The following ZNF577 variants were observed in gnomAD, a reference collection of about 807,000 sequenced individuals.
ZNF577 encodes zinc finger protein 577.
A neutral mutation model predicts 13.9 loss-of-function variants in ZNF577; 14 were observed. The ratio of observed to expected loss-of-function variants is 1.00; its 90% confidence interval spans 0.66 to 1.57. The LOEUF (loss-of-function observed/expected upper bound fraction) is 1.57. ZNF577 is among the 40% of genes most tolerant of loss of function. The pLI, the probability that ZNF577 is intolerant of heterozygous loss-of-function variation, is 0.00. For synonymous variants in ZNF577, 203 were observed against 202.9 expected (o/e 1.00, Z 0.00); for missense variants, 555 against 579.2 (o/e 0.96, Z 0.43).
chr19:51,820,184 A>G (rs2084177688), intron 9 of ZNF577, among the ~76,000 whole-genome samples: 1 of 152,246 alleles, frequency 6.6e-6, no homozygotes, highest in Non-Finnish European at 1.5e-5. Context: ...TTAATGCATC[A>G]GAAATCACAC....
chr19:51,814,116 A>G (rs1354781995), intron 9 of ZNF577, among the ~76,000 whole-genome samples: 1 of 152,220 alleles, frequency 6.6e-6, no homozygotes, highest in Non-Finnish European at 1.5e-5. Flanking sequence ...TATGTTTACT[A>G]TACTTTATCA....
intron 5 of ZNF577, among the ~76,000 whole-genome samples, chr19:51,851,262 T>C (rs374549022): frequency 1.3e-5 from 2 of 152,196 alleles, no homozygotes; most frequent in Non-Finnish European, 2.9e-5. Context: ...CAAGTAGATA[T>C]CATTTTTCTT....
chr19:51,816,527 C>T (rs1049747516), intron 9 of ZNF577, among the ~76,000 whole-genome samples: 4 of 152,140 alleles, frequency 2.6e-5, no homozygotes, highest in Non-Finnish European at 4.4e-5. Flanking sequence ...GGATTACTGG[C>T]GTGAACCACC....
chr19:51,847,941 T>C (rs1468670742), intron 5 of ZNF577, among the ~76,000 whole-genome samples: 2 of 152,166 alleles, frequency 1.3e-5, no homozygotes, highest in Non-Finnish European at 2.9e-5. Flanking sequence ...AGGATCCATC[T>C]ACAGACGCGG....
chr19:51,821,757 T>C (rs1191508390), intron 9 of ZNF577, among the ~76,000 whole-genome samples: 2 of 151,754 alleles, frequency 1.3e-5, no homozygotes, highest in East Asian at 3.9e-4. Context: ...CTGCCTCCAC[T>C]GACCGGCTGG....
At position 51,837,043 on chromosome 19, in the gene ZNF577, C is replaced by CAA. The variant is rs766829761; in HGVS notation, c.*599+2848_*599+2849dup. ...TGGGTGACAGAGTGAGACTCTGTCT[C>CAA]AAAAAAAAAAAAAAAAGAAAAGAAA... On this transcript the variant is annotated intron_variant and NMD_transcript_variant, in intron 9 of 10. Coordinates refer to the ZNF577 transcript ENST00000638827. 7.2e-3 allele frequency among the ~76,000 whole-genome samples: 557 copies of CAA among 77,586 alleles called. 16 individuals carry two copies. The highest frequency in any genetic ancestry group is 0.063 in the Admixed American group (412 of 6,538). 50.9% of individuals were successfully genotyped at this position (77,586 alleles called of 152,430 possible).
Position 51,870,495 on chromosome 19 carries a change from TC to T in ZNF577, c.*2036del, listed in dbSNP as rs2084642111. ...CAGAGGCAATACTCCTTACTTAAGGTCCACTGTGATTCTCCAAATGTTAGGA... is the reference window on the plus strand; with the variant it reads ...CAGAGGCAATACTCCTTACTTAAGGTCACTGTGATTCTCCAAATGTTAGGA... On this transcript the variant is annotated 3_prime_UTR_variant, in exon 6 of 6. Coordinates refer to ENST00000638348, the MANE Select transcript of ZNF577 (RefSeq NM_001370449.1). 6.6e-6 allele frequency among the ~76,000 whole-genome samples: 1 copy of T among 152,178 alleles called. No individual in the cohort carries two copies. Among genetic ancestry groups the T allele is most frequent in the African/African-American group, 2.4e-5 (1 of 41,438 alleles).
chr19:51,826,335 T>C (rs1260397105), intron 9 of ZNF577: 2 of 152,248 alleles, frequency 1.3e-5, no homozygotes, highest in East Asian at 1.9e-4. Context: ...GAAAGGAGTT[T>C]GGAAGTGATT....
intron 1 of ZNF577, chr19:51,886,462 A>G (rs1383339733): frequency 6.6e-6 from 1 of 152,214 alleles, no homozygotes; most frequent in African/African-American, 2.4e-5. Context: ...AATATTAAAT[A>G]AAATTTTAGC....
chr19:51,838,363 C>A (rs2084299618), intron 9 of ZNF577, among the ~76,000 whole-genome samples: 2 of 141,392 alleles, frequency 1.4e-5, no homozygotes, highest in African/African-American at 5.3e-5. Context: ...GAAAGACTGT[C>A]ATTAGCATAT....
chr19:51,854,652 C>G (rs1408148766), intron 5 of ZNF577, among the ~76,000 whole-genome samples: 3 of 151,876 alleles, frequency 2.0e-5, no homozygotes, highest in African/African-American at 7.3e-5. Flanking sequence ...ATTTATTGAC[C>G]TTCTCAGATG....
chr19:51,857,265 T>C (rs6509580), intron 5 of ZNF577, among the ~76,000 whole-genome samples: 56,595 of 149,708 alleles, frequency 0.38, 11,836 homozygotes, highest in African/African-American at 0.55. Flanking sequence ...TGCCACCGCA[T>C]TTCAGCCTGG....
At chr19:51,813,160 A>ACC (rs763343827) in intron 9 of ZNF577, among the ~76,000 whole-genome samples, 124 of 147,360 alleles carry the variant, frequency 8.4e-4, no homozygotes, top group Middle Eastern at 3.5e-3. Flanking sequence ...ACACACACAC[A>ACC]CCCCATAAAT....
At chr19:51,831,199 T>C (rs1242410378) in intron 9 of ZNF577, among the ~76,000 whole-genome samples, 1 of 152,156 alleles carries the variant, frequency 6.6e-6, no homozygotes, top group Non-Finnish European at 1.5e-5. Context: ...CACCGCAACC[T>C]CTGCCTCCAA....
intron 10 of ZNF577, among the ~76,000 whole-genome samples, chr19:51,808,811 T>C (rs1008301549): frequency 1.3e-5 from 2 of 152,214 alleles, no homozygotes; most frequent in Non-Finnish European, 2.9e-5. Flanking sequence ...CGGACTTTTT[T>C]GGAAAAACAA....
At chr19:51,849,596 C>T (rs55919407) in intron 5 of ZNF577, among the ~76,000 whole-genome samples, 5,604 of 152,306 alleles carry the variant, frequency 0.037, 162 homozygotes, top group Middle Eastern at 0.065. Flanking sequence ...TTCTGTTCTT[C>T]ATAAATTATC....
exon 11 of ZNF577, chr19:51,805,131 T>C (rs2084049839): frequency 6.6e-6 from 1 of 152,238 alleles, no homozygotes; most frequent in African/African-American, 2.4e-5. Context: ...GAATGCTGAG[T>C]TGGTCACGTC....
intron 9 of ZNF577, among the ~76,000 whole-genome samples, chr19:51,815,570 A>AG (rs1185541835): frequency 6.6e-6 from 1 of 150,740 alleles, no homozygotes; most frequent in Admixed American, 6.6e-5. Context: ...CTCTGTCTAA[A>AG]AAAAAAAAAG....
intron 9 of ZNF577, among the ~76,000 whole-genome samples, chr19:51,818,382 G>T (rs542274296): frequency 6.6e-6 from 1 of 152,268 alleles, no homozygotes; most frequent in East Asian, 1.9e-4. Flanking sequence ...CACGGCCCGT[G>T]TTTACAGACC....
Sources: gnomAD v4.1 joint callset for allele counts (sites outside exome capture counted in the v4.1 genomes callset) on GRCh38, gnomAD v4.1.1 for gene constraint, MANE v1.5 for transcripts, NCBI Gene and HGNC (gene_info 2026-07-23, HGNC 2026-07-21) for gene names.